RLN2: variants seen among roughly 807,000 people sequenced by gnomAD.
RLN2 encodes the protein relaxin 2.
In RLN2, 10 loss-of-function variants were observed where a neutral mutation model predicts 7.3. That is an observed-to-expected ratio of 1.36 (90% CI 0.84 to 2.31). The LOEUF (loss-of-function observed/expected upper bound fraction) is 2.31, where lower values mean the gene tolerates loss of function less well. Among genes scored for constraint, RLN2 ranks in the 30% most tolerant of loss-of-function variants. The pLI, the probability that RLN2 is intolerant of heterozygous loss-of-function variation, is 0.00. For missense variants in RLN2, 298 were observed against 217.6 expected (o/e 1.37, Z -2.32); for synonymous variants, 103 against 82.3 (o/e 1.25, Z -1.36).
the RLN2 span, chr9:5,335,489 G>C: frequency 6.2e-7 from 1 of 1,613,136 alleles, no homozygotes; most frequent in Non-Finnish European, 8.5e-7. Flanking sequence ...TGGTAATGAT[G>C]GTTGCCTCTC....
chr9:5,316,265 G>A, the RLN2 span, among the ~76,000 whole-genome samples: 1 of 151,624 alleles, frequency 6.6e-6, no homozygotes, highest in Non-Finnish European at 1.5e-5. Flanking sequence ...ACTTTCTTCT[G>A]CTTTTTTGTT....
At chr9:5,322,714 CCT>C in the RLN2 span, among the ~76,000 whole-genome samples, 3 of 151,998 alleles carry the variant, frequency 2.0e-5, no homozygotes, top group African/African-American at 7.3e-5. Flanking sequence ...CCTTTGGGAT[CCT>C]CTCACTGGAG....
chr9:5,304,577 G>C lies in RLN2; in HGVS notation c.4C>G (p.Pro2Ala). Residue 2 changes from proline to alanine, a missense_variant, in exon 1 of 2, where the codon CCT (proline) becomes GCT (alanine). Coordinates refer to ENST00000381627, the MANE Select transcript of RLN2 (RefSeq NM_134441.3). Reference sequence around the variant, plus strand: ...AGCAGGTGGAAAAAAAACAGGCGAGGCATCCTGGGCCTGGTCTCTCCTGGA... The same window carrying C: ...AGCAGGTGGAAAAAAAACAGGCGAGCCATCCTGGGCCTGGTCTCTCCTGGA... MPRLFFFHLLGV... is the reference protein window; with the variant it reads MARLFFFHLLGV... 6.2e-7 allele frequency: 1 copy of C among 1,613,710 alleles called. No homozygotes were observed. The highest frequency in any genetic ancestry group is 8.5e-7 in the Non-Finnish European group (1 of 1,179,798).
At chr9:5,323,307 A>AGG in the RLN2 span, among the ~76,000 whole-genome samples, 4 of 151,980 alleles carry the variant, frequency 2.6e-5, no homozygotes, top group Non-Finnish European at 4.4e-5. Flanking sequence ...TCTGTCTAAT[A>AGG]TCAATTTAAT....
At position 5,300,133 on chromosome 9, in the gene RLN2, C is replaced by G. The variant is rs1827125848; in HGVS notation, c.523G>C (p.Gly175Arg). The G allele has an allele frequency of 1.2e-6, 2 of 1,603,706 alleles. No homozygotes were observed. The highest frequency in any genetic ancestry group is 1.7e-6 in the Non-Finnish European group (2 of 1,177,026). Reference protein sequence around the residue: ...SALANKCCHVGCTKRSLARFC With the variant: ...SALANKCCHVRCTKRSLARFC ...CTAGCAAGAGATCTTTTGGTACAAC[C>G]AACATGGCAACATTTATTAGCCAAT... The change falls in exon 2 of 2, where the codon GGT (glycine) becomes CGT (arginine). Residue 175 changes from glycine to arginine, a missense_variant. Gly to Arg is a moderately radical substitution (Grantham distance 125). Transcript: ENST00000381627.
At chr9:5,328,159 C>A in the RLN2 span, among the ~76,000 whole-genome samples, 1 of 151,826 alleles carries the variant, frequency 6.6e-6, no homozygotes, top group Non-Finnish European at 1.5e-5. Flanking sequence ...AGTTAAAAAC[C>A]TTGAAAAAAA....
At chr9:5,334,359 G>C in the RLN2 span, among the ~76,000 whole-genome samples, 1 of 151,946 alleles carries the variant, frequency 6.6e-6, no homozygotes, top group African/African-American at 2.4e-5. Flanking sequence ...TTTGATGGAG[G>C]AGATTAACTT....
intron 1 of RLN2, among the ~76,000 whole-genome samples, chr9:5,301,948 T>A (rs569517129): frequency 3.3e-4 from 50 of 152,300 alleles, no homozygotes; most frequent in African/African-American, 1.2e-3. Flanking sequence ...AATGAGAGGT[T>A]TTGGCATTTC....
At chr9:5,330,637 C>CAAAAAAAAAAAAAAAA in the RLN2 span, among the ~76,000 whole-genome samples, 1 of 74,730 alleles carries the variant, frequency 1.3e-5, no homozygotes, top group East Asian at 4.7e-4. Flanking sequence ...GACTCCATCT[C>CAAAAAAAAAAAAAAAA]AAAAAAAAAA....
intron 1 of RLN2, among the ~76,000 whole-genome samples, chr9:5,302,101 T>A (rs1816159166): frequency 6.6e-6 from 1 of 152,204 alleles, no homozygotes; most frequent in Non-Finnish European, 1.5e-5. Flanking sequence ...GCCAGTTAAA[T>A]GAGTCAGCCA....
chr9:5,333,662 C>T, the RLN2 span, among the ~76,000 whole-genome samples: 52 of 152,090 alleles, frequency 3.4e-4, no homozygotes, highest in Admixed American at 3.1e-3. Context: ...CTCCCTAACT[C>T]ATTCTATGAG....
chr9:5,331,926 C>T, the RLN2 span, among the ~76,000 whole-genome samples: 2 of 151,742 alleles, frequency 1.3e-5, no homozygotes, highest in Admixed American at 1.3e-4. Context: ...TAAGTAATTC[C>T]CATTCTAGAA....
At chr9:5,307,688 T>G (rs1816279500), upstream of RLN2, among the ~76,000 whole-genome samples, 1 of 152,042 alleles carries the variant, frequency 6.6e-6, no homozygotes, top group South Asian at 2.1e-4. Flanking sequence ...GGCATTGCCC[T>G]CGTCCTTCTG....
the RLN2 span, among the ~76,000 whole-genome samples, chr9:5,323,486 TG>T: frequency 6.6e-6 from 1 of 152,104 alleles, no homozygotes; most frequent in African/African-American, 2.4e-5. Flanking sequence ...CCCTTTTATA[TG>T]GCTCAATAGG....
At chr9:5,334,896 T>G in the RLN2 span, 1 of 172,816 alleles carries the variant, frequency 5.8e-6, no homozygotes, top group African/African-American at 2.4e-5. Flanking sequence ...ATCTAAGAGT[T>G]AATATCAATA....
the RLN2 span, chr9:5,335,576 T>C: frequency 1.9e-6 from 3 of 1,608,680 alleles, no homozygotes; most frequent in Non-Finnish European, 1.7e-6. Context: ...TGTATCTTTG[T>C]TGATGAAGGA....
chr9:5,324,005 C>A, the RLN2 span, among the ~76,000 whole-genome samples: 2 of 152,004 alleles, frequency 1.3e-5, no homozygotes, highest in Middle Eastern at 6.8e-3. Flanking sequence ...CAAGATCACA[C>A]CACTGCACTC....
At chr9:5,306,928 G>A (rs1816261973), upstream of RLN2, among the ~76,000 whole-genome samples, 2 of 152,074 alleles carry the variant, frequency 1.3e-5, no homozygotes, top group South Asian at 4.1e-4. Flanking sequence ...TACAACCTAA[G>A]CACAAGTGTG....
At chr9:5,316,442 GC>G in the RLN2 span, among the ~76,000 whole-genome samples, 1 of 151,732 alleles carries the variant, frequency 6.6e-6, no homozygotes, top group Non-Finnish European at 1.5e-5. Context: ...CCTCCCACTA[GC>G]CCCTCACCCC....
Sources: gnomAD v4.1 joint callset for allele counts (sites outside exome capture counted in the v4.1 genomes callset) on GRCh38, gnomAD v4.1.1 for gene constraint, MANE v1.5 for transcripts, NCBI Gene and HGNC (gene_info 2026-07-23, HGNC 2026-07-21) for gene names.